The following ZPBP2 variants were observed in gnomAD, a reference collection of about 807,000 sequenced individuals.
The protein encoded by ZPBP2 is zona pellucida binding protein 2.
ZPBP2 carries 34 observed loss-of-function variants against 37.5 expected under a neutral mutation model. The observed-to-expected ratio is 0.91, with a 90% CI of 0.69 to 1.21. The LOEUF (loss-of-function observed/expected upper bound fraction) is 1.21. Among genes scored for constraint, ZPBP2 ranks in the 50% most tolerant of loss-of-function variants. ZPBP2 has a pLI of 0.00. For synonymous variants in ZPBP2, 143 were observed against 138.4 expected (o/e 1.03, Z -0.23); for missense variants, 397 against 413.5 (o/e 0.96, Z 0.35).
Position 39,873,124 on chromosome 17 carries a change from C to G in ZPBP2, c.706C>G (p.Gln236Glu). 1 of 1,605,330 alleles carries G rather than the reference C, an allele frequency of 6.2e-7. No homozygotes were observed. The highest frequency in any genetic ancestry group is 8.5e-7 in the Non-Finnish European group (1 of 1,176,838). ...AGATACCACTAATCATAATATCCTC[C>G]AGGTGAGAATTTCATGGTAAGGAAG... ...CEDTTNHNILQARDRIEDFFR... is the reference protein window; with the variant it reads ...CEDTTNHNILEARDRIEDFFR... Residue 236 changes from glutamine to glutamate, a missense_variant and splice_region_variant, in exon 6 of 8, where the codon CAG (glutamine) becomes GAG (glutamate). Physicochemically the swap from Gln to Glu is conservative, Grantham distance 29 (BLOSUM62 2). Coordinates refer to ENST00000348931, the MANE Select transcript of ZPBP2 (RefSeq NM_199321.3).
chr17:39,869,707 CTTT>C (rs59544817), intron 2 of ZPBP2, among the ~76,000 whole-genome samples: 5 of 92,992 alleles, frequency 5.4e-5, no homozygotes, highest in East Asian at 3.3e-4. Context: ...ACCAGCCAAT[CTTT>C]TTTTTTTTTT....
intron 6 of ZPBP2, among the ~76,000 whole-genome samples, chr17:39,874,658 C>T (rs2063380925): frequency 1.3e-5 from 2 of 152,044 alleles, no homozygotes; most frequent in Middle Eastern, 3.4e-3. Flanking sequence ...GTCTCGAACT[C>T]GTGGCCTCAA....
At chr17:39,875,883 C>CTTTTTTTTTTTTT (rs34192567) in intron 7 of ZPBP2, among the ~76,000 whole-genome samples, 2 of 63,770 alleles carry the variant, frequency 3.1e-5, no homozygotes, top group Non-Finnish European at 6.6e-5. Flanking sequence ...TGCTTGGCCC[C>CTTTTTTTTTTTTT]TTTTTTTTTT....
chr17:39,872,958 C>A, intron 5 of ZPBP2, 86 bp from the exon 6 acceptor site: 1 of 1,169,608 alleles, frequency 8.5e-7, no homozygotes, highest in Non-Finnish European at 1.3e-6. Flanking sequence ...CCTGCATGCA[C>A]ATGGAATTCA....
chr17:39,871,709 T>C (rs2063365467), intron 4 of ZPBP2, 84 bp downstream of exon 4: 1 of 1,188,164 alleles, frequency 8.4e-7, no homozygotes, highest in African/African-American at 1.6e-5. Context: ...TGAAAATGAG[T>C]CTGTAATAGG....
At chr17:39,870,137 G>C (rs1202664257) in intron 2 of ZPBP2, among the ~76,000 whole-genome samples, 1 of 152,108 alleles carries the variant, frequency 6.6e-6, no homozygotes, top group Non-Finnish European at 1.5e-5. Context: ...TCTGCCTCCC[G>C]GGTTCAAGCA....
chr17:39,873,229 G>T, intron 6 of ZPBP2, 103 bp downstream of exon 6: 1 of 901,480 alleles, frequency 1.1e-6, no homozygotes, highest in South Asian at 1.9e-5. Context: ...GCTCACTGCA[G>T]CCTCAAACTC....
At position 39,875,365 on chromosome 17, in the gene ZPBP2, C is replaced by T. The variant is rs775257849; in HGVS notation, c.820C>T (p.Arg274Cys). ...TGTGGACCACAGTTTGCAAGTAGTA[C>T]GTCTGGATAGCTGTCGACCAGGCTT... The part of the protein sequence containing the change: ...HFVDHSLQVV[R>C]LDSCRPGFGK... Residue 274 changes from arginine to cysteine, a missense_variant, in exon 7 of 8, where the codon CGT becomes TGT. Physicochemically the swap from Arg to Cys is radical, Grantham distance 180. Coordinates refer to ENST00000348931, the MANE Select transcript of ZPBP2 (RefSeq NM_199321.3). 9 of 1,613,942 alleles carry T rather than the reference C, an allele frequency of 5.6e-6. No homozygotes were observed. The highest frequency in any genetic ancestry group is 3.3e-5 in the Admixed American group (2 of 59,992).
At position 39,877,013 on chromosome 17, in the gene ZPBP2, C is replaced by A. The variant is rs184505228; in HGVS notation, c.*204C>A. 303 of 503,600 alleles carry A rather than the reference C, an allele frequency of 6.0e-4. 1 individual carries two copies. Among genetic ancestry groups the A allele is most frequent in the African/African-American group, 5.5e-3 (281 of 51,430 alleles). The allele number at this position is 503,600 out of a possible 1,614,324, so 31.2% of individuals were successfully genotyped here. On this transcript the variant is annotated 3_prime_UTR_variant, in exon 8 of 8. Transcript: ENST00000348931. ...CAGTATCTCTAGTGTACAAAGGAAA[C>A]TTGAAGTTTTAATGGATTATTTTTA...
chr17:39,873,224 C>G, intron 6 of ZPBP2, 98 bp downstream of exon 6: 3 of 1,005,354 alleles, frequency 3.0e-6, no homozygotes, highest in Non-Finnish European at 2.8e-6. Context: ...CCATAGCTCA[C>G]TGCAGCCTCA....
At chr17:39,872,517 G>C (rs776595825) in intron 5 of ZPBP2, 29 bp downstream of exon 5, 1 of 1,423,316 alleles carries the variant, frequency 7.0e-7, no homozygotes, top group South Asian at 1.3e-5. Flanking sequence ...CTTTAATTTT[G>C]AATTTAGTCC....
At position 39,876,865 on chromosome 17, in the gene ZPBP2, A is replaced by T; in HGVS notation, c.*56A>T. ...GTCGGGGACATAAGATGATTTTCAC[A>T]TCCCAGAGCATCATAGATAGTTCCA... On this transcript the variant is annotated 3_prime_UTR_variant, in exon 8 of 8. Coordinates refer to ENST00000348931, the MANE Select transcript of ZPBP2 (RefSeq NM_199321.3). 6.2e-7 allele frequency: 1 copy of T among 1,602,340 alleles called. No individual in the cohort carries two copies. Among genetic ancestry groups the T allele is most frequent in the Non-Finnish European group, 8.5e-7 (1 of 1,172,180 alleles).
At chr17:39,868,470 C>T in intron 1 of ZPBP2, 64 bp downstream of exon 1, 6 of 1,612,714 alleles carry the variant, frequency 3.7e-6, no homozygotes, top group Non-Finnish European at 5.1e-6. Context: ...GTCCTGCCTC[C>T]TTCGCCTCGC....
Position 39,868,551 on chromosome 17 carries a change from C to A in ZPBP2, c.55C>A (p.Gln19Lys), listed in dbSNP as rs114895232. 10 of 1,614,124 alleles carry A rather than the reference C, an allele frequency of 6.2e-6. 1 individual carries two copies. The highest frequency in any genetic ancestry group is 3.3e-4 in the Middle Eastern group (2 of 6,062). Reference protein sequence around the residue: ...SAVLWCLTGVQCPRFTLFNKK... With the variant: ...SAVLWCLTGVKCPRFTLFNKK... ...TCAGTGTTTTATTTCCTCCGCAGTC[C>A]AATGCCCGCGTTTTACCTTATTCAA... The change falls in exon 2 of 8, where the codon CAA becomes AAA. Residue 19 changes from glutamine (Q) to lysine (K), a missense_variant and splice_region_variant. Transcript: ENST00000348931.
intron 6 of ZPBP2, among the ~76,000 whole-genome samples, chr17:39,874,925 A>G (rs916536528): frequency 3.1e-4 from 47 of 150,028 alleles, no homozygotes; most frequent in Middle Eastern, 3.6e-3. Context: ...TAATTTTTGT[A>G]TTTTTAATAG....
At position 39,874,780 on chromosome 17, in the gene ZPBP2, C is replaced by G. The variant is rs146546460; in HGVS notation, c.709-474C>G. ...TTATTTATTTTTTCTGAGACGGGGT[C>G]TCGCTCTGTCGCCAGGCTGGAGTGC... is the stretch of plus-strand genomic sequence containing the variant. On this transcript the variant is annotated intron_variant, in intron 6 of 7. Transcript: ENST00000348931. 3.4e-3 allele frequency among the ~76,000 whole-genome samples: 511 copies of G among 151,922 alleles called. 3 individuals are homozygous for G. The highest frequency in any genetic ancestry group is 0.012 in the African/African-American group (486 of 41,384).
In ZPBP2 at chr17:39,871,606, A is replaced by G. The variant is rs754957830; in HGVS notation, c.387A>G (p.Arg129=). Residue 129 remains arginine (R), a synonymous_variant, in exon 4 of 8, where the codon AGA becomes AGG. Transcript: ENST00000348931. ...AAGAAGAAAAAACAGTCAAAAAGAG[A>G]TATGACTTTATGGTCTTTGGTAAGA... ...ETQEEKTVKK[R]YDFMVFAYRE... The G allele has an allele frequency of 6.3e-7, 1 of 1,580,522 alleles. No individual in the cohort carries two copies. The highest frequency in any genetic ancestry group is 1.9e-5 in the Admixed American group (1 of 53,176).
chr17:39,868,670 C>T (rs1473838807), intron 2 of ZPBP2, 56 bp downstream of exon 2: 5 of 1,602,680 alleles, frequency 3.1e-6, no homozygotes, highest in Non-Finnish European at 4.3e-6. Context: ...CTGCGAAGCT[C>T]TTCCCGGAAG....
rs532738283 is a variant in ZPBP2, at chr17:39,868,290, G to A, written c.-65G>A. ...ACTGTGGAGGAGGTGGGGAGGTGTT[G>A]GGCCAGGGCTGAGGTAGGAGGGAGT... On this transcript the variant is annotated 5_prime_UTR_variant, in exon 1 of 8. Transcript: ENST00000348931. 1.4e-4 allele frequency: 218 copies of A among 1,572,952 alleles called. No homozygotes were observed. The Admixed American group carries it at 1.6e-3, about 11-fold the overall frequency.
Sources: gnomAD v4.1 joint callset for allele counts (sites outside exome capture counted in the v4.1 genomes callset) on GRCh38, gnomAD v4.1.1 for gene constraint, MANE v1.5 for transcripts, NCBI Gene and HGNC (gene_info 2026-07-23, HGNC 2026-07-21) for gene names.